Variants in CCDC187 observed in about 807,000 individuals in gnomAD.
CCDC187 encodes coiled-coil domain-containing protein 187.
A neutral mutation model predicts 38.0 loss-of-function variants in CCDC187; 32 were observed. That is an observed-to-expected ratio of 0.84 (90% confidence interval 0.64 to 1.13). The LOEUF is 1.13. CCDC187 is among the 50% of genes most tolerant of loss of function. The pLI is 0.00. For missense variants in CCDC187, 707 were observed against 786.8 expected (o/e 0.90, Z 1.21); for synonymous variants, 333 against 347.9 (o/e 0.96, Z 0.48).
upstream of CCDC187, among the ~76,000 whole-genome samples, chr9:136,304,316 G>A (rs900029150): frequency 6.6e-6 from 1 of 152,138 alleles, no homozygotes; most frequent in Non-Finnish European, 1.5e-5. Context: ...GTGGGGGCGG[G>A]GCCTAACCCC....
At position 136,290,557 on chromosome 9, in the gene CCDC187, T is replaced by C. The variant is rs1588668494; in HGVS notation, c.2056A>G (p.Arg686Gly). The change falls in exon 6 of 26, where the codon AGG (arginine) becomes GGG (glycine). Residue 686 changes from arginine (R) to glycine (G), a missense_variant. Arg to Gly is a moderately radical substitution (Grantham distance 125). Coordinates refer to ENST00000638797, the MANE Select transcript of CCDC187 (RefSeq NM_001378188.1). ...YRQQREAVLG[R>G]AVPVVSRTTP... Reference sequence around the variant, plus strand: ...GTCCGGGAGACCACGGGGACCGCCCTGCCGAGGACGGCCTCCCTCTGCTGC... The same window carrying C: ...GTCCGGGAGACCACGGGGACCGCCCCGCCGAGGACGGCCTCCCTCTGCTGC... 2 of 399,012 alleles carry C rather than the reference T, an allele frequency of 5.0e-6. No individual in the cohort carries two copies. Among genetic ancestry groups the C allele is most frequent in the Non-Finnish European group, 4.4e-6 (1 of 226,392 alleles). The allele number at this position is 399,012 out of a possible 1,614,324, so 24.7% of individuals were successfully genotyped here. A position where few individuals can be genotyped will look rare whatever the true frequency, so the allele number is the denominator to read the frequency against.
chr9:136,300,030 G>A (rs890364520), intron 3 of CCDC187, among the ~76,000 whole-genome samples, 190 bp downstream of exon 3: 20 of 152,232 alleles, frequency 1.3e-4, no homozygotes, highest in African/African-American at 4.8e-4. Flanking sequence ...CACTGGAGAG[G>A]CAGAGGGTTA....
chr9:136,260,287 G>T, intron 19 of CCDC187, 23 bp from the exon 20 acceptor site: 1 of 984,842 alleles, frequency 1.0e-6, no homozygotes, highest in African/African-American at 1.8e-5. Context: ...GCAGAGTGGA[G>T]GTGACCGCCC....
intron 21 of CCDC187, 83 bp downstream of exon 21, chr9:136,259,280 G>A (rs1830652222): frequency 2.2e-6 from 1 of 446,566 alleles, no homozygotes; most frequent in Non-Finnish European, 2.9e-6. Flanking sequence ...TGAAGATCAA[G>A]TCACAGATTG....
At chr9:136,302,078 C>T (rs1411755590) in intron 2 of CCDC187, among the ~76,000 whole-genome samples, 2 of 151,860 alleles carry the variant, frequency 1.3e-5, no homozygotes, top group Non-Finnish European at 2.9e-5. Context: ...GGCATAGTGA[C>T]GGGTGCCTGT....
At chr9:136,282,870 C>T (rs997462401) in intron 9 of CCDC187, among the ~76,000 whole-genome samples, 4 of 152,248 alleles carry the variant, frequency 2.6e-5, no homozygotes, top group African/African-American at 7.2e-5. Context: ...TTCTGGAACC[C>T]GGGCTGGGTG....
chr9:136,293,420 CAT>C (rs1831417558), intron 4 of CCDC187, among the ~76,000 whole-genome samples: 8 of 79,666 alleles, frequency 1.0e-4, no homozygotes, highest in Admixed American at 2.8e-4. Flanking sequence ...CACATGCTCA[CAT>C]ACTCTCACAT....
At position 136,290,814 on chromosome 9, in the gene CCDC187, G is replaced by T; in HGVS notation, c.1799C>A (p.Ala600Asp). The T allele has an allele frequency of 5.0e-6, 2 of 398,540 alleles. No individual in the cohort carries two copies. Among genetic ancestry groups the T allele is most frequent in the Non-Finnish European group, 8.9e-6 (2 of 225,986 alleles). The allele number at this position is 398,540 out of a possible 1,614,324, so 24.7% of individuals were successfully genotyped here. A position where few individuals can be genotyped will look rare whatever the true frequency, so the allele number is the denominator to read the frequency against. The change falls in exon 6 of 26, where the codon GCC (alanine) becomes GAC (aspartate). Residue 600 changes from alanine to aspartate, a missense_variant. Ala to Asp is a moderately radical substitution (Grantham distance 126). Coordinates refer to ENST00000638797, the MANE Select transcript of CCDC187 (RefSeq NM_001378188.1). ...IGSPVSAAKH[A>D]LPRPTGSFPQ... ...GAAGCTCCCGGTGGGCCTTGGCAGGGCATGCTTGGCAGCCGAGACGGGGGA... is the reference window on the plus strand; with the variant it reads ...GAAGCTCCCGGTGGGCCTTGGCAGGTCATGCTTGGCAGCCGAGACGGGGGA...
rs549569499 is a variant in CCDC187 at position 136,272,733 on chromosome 9, G to T, written c.3442+1925C>A. Among the ~76,000 whole-genome samples, 9 of 151,960 alleles carry T rather than the reference G, an allele frequency of 5.9e-5. No homozygotes were observed. In the East Asian group the frequency reaches 1.7e-3, roughly 29 times the overall value. On this transcript the variant is annotated intron_variant, in intron 14 of 25. Coordinates refer to ENST00000638797, the MANE Select transcript of CCDC187 (RefSeq NM_001378188.1). ...AAAAAAAAAAACAAAAACTAGCTTG[G>T]GGTGGTGGTGCATGCCTGTGGTCCC...
At chr9:136,289,643 G>A (rs949752565) in intron 7 of CCDC187, among the ~76,000 whole-genome samples, 3 of 152,172 alleles carry the variant, frequency 2.0e-5, no homozygotes, top group African/African-American at 7.2e-5. Context: ...ATGGGGAGAT[G>A]GAATGTTCCG....
At position 136,251,924 on chromosome 9, in the gene CCDC187, TGGGAAGAGCCGGCCGCCCACCCA is replaced by T. The variant is rs1588646360; in HGVS notation, c.*1647_*1669del. 5.3e-5 allele frequency: 5 copies of T among 94,920 alleles called. No individual in the cohort carries two copies. Among genetic ancestry groups the T allele is most frequent in the East Asian group, 3.4e-4 (1 of 2,964 alleles). The allele number at this position is 94,920 out of a possible 1,614,324, so 5.9% of individuals were successfully genotyped here. ...AGCCGGCCGCCCACCTGGTCCACCC[TGGGAAGAGCCGGCCGCCCACCCA>T]GTCCACCCCGGGAAGGTCCAGGCGA... is the stretch of plus-strand genomic sequence containing the variant. On this transcript the variant is annotated 3_prime_UTR_variant, in exon 26 of 26. Coordinates refer to ENST00000638797, the MANE Select transcript of CCDC187 (RefSeq NM_001378188.1).
chr9:136,297,182 G>A (rs919564937), intron 4 of CCDC187, among the ~76,000 whole-genome samples: 4 of 151,736 alleles, frequency 2.6e-5, no homozygotes, highest in Non-Finnish European at 5.9e-5. Flanking sequence ...TGTGGGTGGC[G>A]TAGGCTGTGG....
At position 136,254,423 on chromosome 9, in the gene CCDC187, G is replaced by A. The variant is rs1830587541; in HGVS notation, c.5405C>T (p.Ala1802Val). The A allele has an allele frequency of 2.0e-6, 2 of 985,336 alleles. No individual in the cohort carries two copies. The highest frequency in any genetic ancestry group is 3.5e-5 in the African/African-American group (2 of 57,322). 61.0% of individuals were successfully genotyped at this position (985,336 alleles called of 1,614,324 possible). The change falls in exon 26 of 26, where the codon GCT becomes GTT. Residue 1802 changes from alanine to valine, a missense_variant. Ala to Val is a moderately conservative substitution (Grantham distance 64). Transcript: ENST00000638797. ...CTCCCCGGACCGTGGGGAGGGAGGA[G>A]CCACCTGGGGCTCCACGCCGCTTCC... ...GLGSGVEPQV[A>V]PPSPRSGEGR...
At chr9:136,269,291 T>G (rs1371715963) in intron 14 of CCDC187, among the ~76,000 whole-genome samples, 2 of 152,198 alleles carry the variant, frequency 1.3e-5, no homozygotes, top group Non-Finnish European at 2.9e-5. Context: ...CCTAACACAC[T>G]ATTAATGAAA....
rs1831729814 is a variant in CCDC187, at chr9:136,303,149, G to C, written c.288C>G (p.Ser96Arg). Residue 96 changes from serine (S) to arginine (R), a missense_variant, in exon 2 of 26, where the codon AGC becomes AGG. Coordinates refer to ENST00000638797, the MANE Select transcript of CCDC187 (RefSeq NM_001378188.1). ...KEPGPWGKAC[S>R]LPMWSTGPEA... is the part of the protein sequence containing the mutation. ...CCGGGCCTGTGGACCACATGGGCAG[G>C]CTGCACGCCTTCCCCCAGGGTCCTG... The C allele has an allele frequency of 7.5e-6, 3 of 398,678 alleles. No homozygotes were observed. The highest frequency in any genetic ancestry group is 8.8e-6 in the Non-Finnish European group (2 of 226,084). 24.7% of individuals were successfully genotyped at this position (398,678 alleles called of 1,614,324 possible). A position where few individuals can be genotyped will look rare whatever the true frequency, so the allele number is the denominator to read the frequency against.
In CCDC187 at chr9:136,289,953, A is replaced by G. The variant is rs1229622160; in HGVS notation, c.2222+6T>C. On this transcript the variant is annotated splice_donor_region_variant and intron_variant, in intron 7 of 25. Coordinates refer to ENST00000638797, the MANE Select transcript of CCDC187 (RefSeq NM_001378188.1). ...GCATGTGCAGCACCCACACTTTCACACCCACCTGCCTGGGGCTTCCTGGCC... is the reference window on the plus strand; with the variant it reads ...GCATGTGCAGCACCCACACTTTCACGCCCACCTGCCTGGGGCTTCCTGGCC... 3 of 382,200 alleles carry G rather than the reference A, an allele frequency of 7.8e-6. No homozygotes were observed. Among genetic ancestry groups the G allele is most frequent in the East Asian group, 7.4e-5 (2 of 26,984 alleles). 23.7% of individuals were successfully genotyped at this position (382,200 alleles called of 1,614,324 possible). A position where few individuals can be genotyped will look rare whatever the true frequency, so the allele number is the denominator to read the frequency against.
chr9:136,251,056 A>G lies in CCDC187; in HGVS notation c.*2538T>C, dbSNP rs1554759321. 1 of 456,034 alleles carries G rather than the reference A, an allele frequency of 2.2e-6. No individual in the cohort carries two copies. 28.2% of individuals were successfully genotyped at this position (456,034 alleles called of 1,614,324 possible). ...ACCAGACTGCATGCATAAAGTCTGG[A>G]GTATGCTCCTCTCTGAAGTGGAGGA... is the stretch of plus-strand genomic sequence containing the variant. On this transcript the variant is annotated 3_prime_UTR_variant, in exon 26 of 26. Coordinates refer to ENST00000638797, the MANE Select transcript of CCDC187 (RefSeq NM_001378188.1).
chr9:136,289,681 G>A (rs1831267259), intron 7 of CCDC187, among the ~76,000 whole-genome samples: 1 of 152,212 alleles, frequency 6.6e-6, no homozygotes, highest in African/African-American at 2.4e-5. Context: ...TGGTTGCACA[G>A]CACACGGGGA....
rs943284509 is a variant in CCDC187, at chr9:136,291,358, C to T, written c.1255G>A (p.Ala419Thr). Residue 419 changes from alanine (A) to threonine (T), a missense_variant, in exon 6 of 26, where the codon GCC (alanine) becomes ACC (threonine). Transcript: ENST00000638797. ...GGACTCTTAGAGAAGGAGCTCTGGG[C>T]ATTGGGGTCCCTGCAGCAGCCCCTC... is the stretch of plus-strand genomic sequence containing the variant. ...AGRGCCRDPNAQSSFSKSPWA... is the reference protein window; with the variant it reads ...AGRGCCRDPNTQSSFSKSPWA... 96,773 of 398,894 alleles carry T rather than the reference C, an allele frequency of 0.24. 12,501 individuals carry two copies. Among genetic ancestry groups the T allele is most frequent in the East Asian group, 0.43 (11,923 of 28,044 alleles). 24.7% of individuals were successfully genotyped at this position (398,894 alleles called of 1,614,324 possible).
Sources: gnomAD v4.1 joint callset for allele counts (sites outside exome capture counted in the v4.1 genomes callset) on GRCh38, gnomAD v4.1.1 for gene constraint, MANE v1.5 for transcripts, NCBI Gene and HGNC (gene_info 2026-07-23, HGNC 2026-07-21) for gene names.